NKAIN2: variants seen among roughly 807,000 people sequenced by gnomAD.
NKAIN2 encodes sodium/potassium-transporting ATPase subunit beta-1-interacting protein 2.
NKAIN2 carries 14 observed loss-of-function variants against 32.6 expected under a neutral mutation model. The ratio of observed to expected loss-of-function variants is 0.43; its 90% CI spans 0.28 to 0.67. The LOEUF (loss-of-function observed/expected upper bound fraction) is 0.67, where lower values mean the gene tolerates loss of function less well. Among genes scored for constraint, NKAIN2 ranks in the 30% least tolerant of loss-of-function variants. The probability of loss-of-function intolerance (pLI) is 0.17; values close to 1 mark genes in which losing one functional copy is unlikely to be tolerated. For synonymous variants in NKAIN2, 80 were observed against 87.2 expected, an observed-to-expected ratio of 0.92 and a Z score of 0.46; for missense variants, 198 against 258.3, an observed-to-expected ratio of 0.77 and a Z score of 1.60.
chr6:123,934,752 T>G (rs551184216), intron 1 of NKAIN2, among the ~76,000 whole-genome samples: 2 of 152,294 alleles, frequency 1.3e-5, no homozygotes, highest in African/African-American at 4.8e-5. Flanking sequence ...AATGTATTTT[T>G]GGCCAGTCAC....
chr6:124,349,134 G>A (rs1158859978), intron 2 of NKAIN2, among the ~76,000 whole-genome samples: 2 of 152,116 alleles, frequency 1.3e-5, no homozygotes, highest in Non-Finnish European at 2.9e-5. Context: ...ATTTAGACAC[G>A]TGGACATATT....
At chr6:123,818,994 G>C (rs1773813337) in intron 1 of NKAIN2, among the ~76,000 whole-genome samples, 1 of 152,160 alleles carries the variant, frequency 6.6e-6, no homozygotes, top group African/African-American at 2.4e-5. Flanking sequence ...CTGTGTGTGT[G>C]TTAAGTGGGT....
intron 1 of NKAIN2, among the ~76,000 whole-genome samples, chr6:124,147,657 A>G (rs1787484187): frequency 6.6e-6 from 1 of 152,166 alleles, no homozygotes; most frequent in Non-Finnish European, 1.5e-5. Flanking sequence ...GAATTTGTCA[A>G]AGAAAAATGC....
intron 3 of NKAIN2, among the ~76,000 whole-genome samples, chr6:124,448,509 G>A (rs943873599): frequency 6.6e-6 from 1 of 152,072 alleles, no homozygotes; most frequent in Non-Finnish European, 1.5e-5. Context: ...CATATTCAGG[G>A]GACTGGCTAA....
chr6:123,903,953 C>T (rs377524958), intron 1 of NKAIN2, among the ~76,000 whole-genome samples: 3 of 150,516 alleles, frequency 2.0e-5, no homozygotes, highest in South Asian at 4.2e-4. Flanking sequence ...ATTGGCCGGG[C>T]GTGGTGGCTC....
At chr6:124,293,378 TA>T (rs970954212) in intron 2 of NKAIN2, among the ~76,000 whole-genome samples, 1 of 152,078 alleles carries the variant, frequency 6.6e-6, no homozygotes, top group Non-Finnish European at 1.5e-5. Context: ...GCATCCTTAT[TA>T]AAAATGCAAT....
intron 1 of NKAIN2, among the ~76,000 whole-genome samples, chr6:123,972,757 C>T (rs1582865431): frequency 6.6e-6 from 1 of 152,058 alleles, no homozygotes; most frequent in African/African-American, 2.4e-5. Context: ...TTTAGTTCTA[C>T]CTTATTTATT....
At chr6:124,138,535 A>C (rs1326532881) in intron 1 of NKAIN2, among the ~76,000 whole-genome samples, 1 of 151,148 alleles carries the variant, frequency 6.6e-6, no homozygotes, top group South Asian at 2.1e-4. Flanking sequence ...AGACATTTGC[A>C]TGTCTATGTT....
intron 1 of NKAIN2, among the ~76,000 whole-genome samples, chr6:123,893,734 A>G (rs769393702): frequency 2.0e-5 from 3 of 152,244 alleles, no homozygotes; most frequent in Non-Finnish European, 4.4e-5. Context: ...TGAAGCCTTA[A>G]AAGTACAGAT....
chr6:124,348,093 AG>A (rs1489756521), intron 2 of NKAIN2, among the ~76,000 whole-genome samples: 3 of 152,170 alleles, frequency 2.0e-5, no homozygotes, highest in African/African-American at 7.2e-5. Context: ...AGTTTGCTAG[AG>A]GTCCACTCCA....
chr6:124,064,107 T>C (rs934279684), intron 1 of NKAIN2, among the ~76,000 whole-genome samples: 1 of 152,042 alleles, frequency 6.6e-6, no homozygotes, highest in Non-Finnish European at 1.5e-5. Context: ...CCTGCCACCA[T>C]GCCCGGCTAA....
At chr6:124,100,913 G>A (rs1179331078) in intron 1 of NKAIN2, among the ~76,000 whole-genome samples, 1 of 152,102 alleles carries the variant, frequency 6.6e-6, no homozygotes, top group African/African-American at 2.4e-5. Context: ...ATTTGAGGGT[G>A]GGGACAAAAT....
chr6:123,912,596 C>A (rs546827926), intron 1 of NKAIN2, among the ~76,000 whole-genome samples: 1 of 152,252 alleles, frequency 6.6e-6, no homozygotes, highest in South Asian at 2.1e-4. Context: ...AATACAGTAT[C>A]ATTTGCAAAT....
chr6:123,995,543 A>G (rs1238404250), intron 1 of NKAIN2, among the ~76,000 whole-genome samples: 1 of 152,202 alleles, frequency 6.6e-6, no homozygotes, highest in Non-Finnish European at 1.5e-5. Flanking sequence ...CTGGCCTCTT[A>G]CTAGACAACT....
chr6:124,198,272 G>A (rs564307352), intron 1 of NKAIN2, among the ~76,000 whole-genome samples: 32 of 151,838 alleles, frequency 2.1e-4, no homozygotes, highest in Non-Finnish European at 4.3e-4. Flanking sequence ...TAGTGCTTAC[G>A]TCCTTATTTA....
At chr6:124,232,804 T>C (rs1792528971) in intron 1 of NKAIN2, among the ~76,000 whole-genome samples, 1 of 152,184 alleles carries the variant, frequency 6.6e-6, no homozygotes, top group Non-Finnish European at 1.5e-5. Flanking sequence ...TTTTCCAGTA[T>C]ATTCTGTTAC....
chr6:124,486,206 G>C (rs57000159), intron 3 of NKAIN2, among the ~76,000 whole-genome samples: 3,965 of 152,198 alleles, frequency 0.026, 160 homozygotes, highest in African/African-American at 0.09. Flanking sequence ...ACTCTTGTTG[G>C]CTGAAAGAAA....
chr6:124,586,345 C>T (rs1781709400), intron 3 of NKAIN2, among the ~76,000 whole-genome samples: 1 of 152,168 alleles, frequency 6.6e-6, no homozygotes, highest in African/African-American at 2.4e-5. Flanking sequence ...GTTGTAGGAA[C>T]AGAAAACCAA....
At chr6:124,106,673 C>G (rs1307218049) in intron 1 of NKAIN2, among the ~76,000 whole-genome samples, 1 of 152,104 alleles carries the variant, frequency 6.6e-6, no homozygotes, top group Non-Finnish European at 1.5e-5. Flanking sequence ...TTATGACTGT[C>G]CTTGGCTCTG....
Sources: allele counts gnomAD v4.1 joint callset (sites outside exome capture counted in the v4.1 genomes callset), GRCh38; gene constraint gnomAD v4.1.1; transcripts MANE v1.5; gene names NCBI Gene and HGNC (gene_info 2026-07-23, HGNC 2026-07-21).